The following PCLO variants were observed in gnomAD, a reference collection of about 807,000 sequenced individuals.
PCLO encodes piccolo presynaptic cytomatrix protein, also known as protein piccolo.
PCLO carries 82 observed loss-of-function variants against 427.5 expected under a neutral mutation model. That is an observed-to-expected ratio of 0.19 (90% CI 0.16 to 0.23). The LOEUF (loss-of-function observed/expected upper bound fraction) is 0.23. Among genes scored for constraint, PCLO ranks in the 10% least tolerant of loss-of-function variants. PCLO has a pLI of 1.00. For synonymous variants in PCLO, 2,357 were observed against 2,155.4 expected, an observed-to-expected ratio of 1.09 and a Z score of -2.59; for missense variants, 6,239 against 6,115.9, an observed-to-expected ratio of 1.02 and a Z score of -0.67.
intron 1 of PCLO, among the ~76,000 whole-genome samples, chr7:83,160,102 A>G (rs1487786073): frequency 6.6e-6 from 1 of 152,110 alleles, no homozygotes; most frequent in Non-Finnish European, 1.5e-5. Context: ...GCCACTCTTT[A>G]CATTTGTAGG....
intron 3 of PCLO, among the ~76,000 whole-genome samples, chr7:83,130,130 T>TTTGTTGTTGTTGTTG (rs57722657): frequency 6.6e-6 from 1 of 151,210 alleles, no homozygotes; most frequent in Non-Finnish European, 1.5e-5. Flanking sequence ...CCATTATGTT[T>TTTGTTGTTGTTGTTG]TTGTTGTTGT....
chr7:82,907,252 G>T (rs1309672422), intron 8 of PCLO, among the ~76,000 whole-genome samples: 1 of 151,882 alleles, frequency 6.6e-6, no homozygotes, highest in African/African-American at 2.4e-5. Context: ...TAAACAAGCT[G>T]CCCTGTTTAT....
At position 82,954,352 on chromosome 7, in the gene PCLO, T is replaced by C. The variant is rs2116445606; in HGVS notation, c.6601A>G (p.Thr2201Ala). The C allele has an allele frequency of 6.2e-7, 1 of 1,613,878 alleles. No homozygotes were observed. Among genetic ancestry groups the C allele is most frequent in the Non-Finnish European group, 8.5e-7 (1 of 1,179,814 alleles). The change falls in exon 5 of 25, where the codon ACT becomes GCT. Residue 2201 changes from threonine (T) to alanine (A), a missense_variant. Thr to Ala is a moderately conservative substitution (Grantham distance 58, BLOSUM62 0). Coordinates refer to ENST00000333891, the MANE Select transcript of PCLO (RefSeq NM_033026.6). Reference sequence around the variant, plus strand: ...ACTGTGGTTATGCTATCCAGGGTAGTAATGGGTGAAGAGCTATCTGTGGTA... The same window carrying C: ...ACTGTGGTTATGCTATCCAGGGTAGCAATGGGTGAAGAGCTATCTGTGGTA... ...VCTTDSSSPI[T>A]TLDSITTVYT...
chr7:83,023,579 T>A (rs2116074792), intron 3 of PCLO, among the ~76,000 whole-genome samples: 1 of 152,304 alleles, frequency 6.6e-6, no homozygotes, highest in African/African-American at 2.4e-5. Context: ...TAAGTACATG[T>A]CCCTAAATGC....
At chr7:83,131,478 G>A (rs1308409280) in intron 3 of PCLO, among the ~76,000 whole-genome samples, 1 of 152,112 alleles carries the variant, frequency 6.6e-6, no homozygotes, top group African/African-American at 2.4e-5. Context: ...CACAACCGGA[G>A]AAACAGAATA....
intron 10 of PCLO, among the ~76,000 whole-genome samples, chr7:82,863,797 G>C (rs1224632565): frequency 1.3e-5 from 2 of 151,940 alleles, no homozygotes; most frequent in Non-Finnish European, 2.9e-5. Context: ...GAATTATAGA[G>C]GGTTTTCATA....
chr7:83,062,558 C>T (rs920229855), intron 3 of PCLO, among the ~76,000 whole-genome samples: 1 of 152,090 alleles, frequency 6.6e-6, no homozygotes, highest in Non-Finnish European at 1.5e-5. Flanking sequence ...TCTGCCAATA[C>T]CTGGCATAAG....
At chr7:83,127,071 C>A (rs1435299543) in intron 3 of PCLO, among the ~76,000 whole-genome samples, 1 of 152,012 alleles carries the variant, frequency 6.6e-6, no homozygotes, top group Non-Finnish European at 1.5e-5. Flanking sequence ...AAACATTTTA[C>A]TACCGCTTTG....
At chr7:82,879,548 T>A in intron 9 of PCLO, 86 bp from the exon 10 acceptor site, 1 of 980,670 alleles carries the variant, frequency 1.0e-6, no homozygotes, top group South Asian at 1.8e-5. Flanking sequence ...AAAAAGTAGG[T>A]CTGGTATCCA....
Position 83,038,025 on chromosome 7 carries a change from A to ATATATATATATATTTATATT in PCLO, c.3301-71539_3301-71538insAATATAAATATATATATATA, listed in dbSNP as rs1562932933. On this transcript the variant is annotated intron_variant, in intron 3 of 24. Coordinates refer to ENST00000333891, the MANE Select transcript of PCLO (RefSeq NM_033026.6). Reference sequence around the variant, plus strand: ...TATATATATATATATATATATATATATATATTTATATATTTATATATATAT... The same window carrying ATATATATATATATTTATATT: ...TATATATATATATATATATATATATATATATATATATATTTATATTTATATTTATATATTTATATATATAT... Among the ~76,000 whole-genome samples the ATATATATATATATTTATATT allele has an allele frequency of 3.1e-4, 15 of 49,084 alleles. 1 individual carries two copies. The highest frequency in any genetic ancestry group is 9.9e-4 in the South Asian group (2 of 2,028). 32.2% of individuals were successfully genotyped at this position (49,084 alleles called of 152,430 possible).
chr7:82,980,220 G>C (rs1257005438), intron 3 of PCLO, among the ~76,000 whole-genome samples: 1 of 152,144 alleles, frequency 6.6e-6, no homozygotes, highest in East Asian at 1.9e-4. Flanking sequence ...TGAGTCAGGG[G>C]AGAAGAGAAG....
intron 22 of PCLO, among the ~76,000 whole-genome samples, chr7:82,767,114 C>A (rs75066840): frequency 0.015 from 2,213 of 152,030 alleles, 68 homozygotes; most frequent in African/African-American, 0.051. Flanking sequence ...TCTGCTTGAG[C>A]CTTTGAACAA....
At chr7:83,126,261 G>C (rs543099809) in intron 3 of PCLO, among the ~76,000 whole-genome samples, 1 of 152,292 alleles carries the variant, frequency 6.6e-6, no homozygotes, top group South Asian at 2.1e-4. Flanking sequence ...TGTGGGGATA[G>C]TTAATGAGTA....
chr7:82,906,757 C>T (rs1404480431), intron 8 of PCLO, among the ~76,000 whole-genome samples: 3 of 151,854 alleles, frequency 2.0e-5, no homozygotes, highest in Non-Finnish European at 4.4e-5. Context: ...CAGCTTATAA[C>T]TTTGCATAGT....
At chr7:83,134,098 ATAAG>A (rs1205409828) in intron 3 of PCLO, among the ~76,000 whole-genome samples, 148 bp downstream of exon 3, 1 of 151,592 alleles carries the variant, frequency 6.6e-6, no homozygotes, top group African/African-American at 2.4e-5. Flanking sequence ...TAAGCTGGTA[ATAAG>A]TAATTGAAAC....
intron 3 of PCLO, among the ~76,000 whole-genome samples, chr7:83,028,859 C>T (rs1007479621): frequency 1.1e-4 from 17 of 151,826 alleles, no homozygotes; most frequent in South Asian, 4.2e-4. Context: ...CAATGGGTAA[C>T]GGATTCCCTA....
intron 3 of PCLO, among the ~76,000 whole-genome samples, chr7:82,978,170 C>T (rs148186354): frequency 2.0e-5 from 3 of 148,380 alleles, no homozygotes; most frequent in African/African-American, 7.5e-5. Flanking sequence ...AGACCCCCAC[C>T]CCCCCGGCAA....
At chr7:82,838,414 T>A in intron 14 of PCLO, 72 bp from the exon 15 acceptor site, 1 of 882,860 alleles carries the variant, frequency 1.1e-6, no homozygotes, top group Non-Finnish European at 1.6e-6. Context: ...TATTTACTAG[T>A]TTTTTTTAAA....
intron 10 of PCLO, among the ~76,000 whole-genome samples, chr7:82,873,789 C>A (rs1267529658): frequency 6.6e-6 from 1 of 151,354 alleles, no homozygotes; most frequent in Non-Finnish European, 1.5e-5. Context: ...TCAGTCACTG[C>A]ACAGGAAGAT....
Sources: allele counts gnomAD v4.1 joint callset (sites outside exome capture counted in the v4.1 genomes callset), GRCh38; gene constraint gnomAD v4.1.1; transcripts MANE v1.5; gene names NCBI Gene and HGNC (gene_info 2026-07-23, HGNC 2026-07-21).